The following IFIH1 variants were observed in gnomAD, a reference collection of about 807,000 sequenced individuals.
IFIH1 encodes the protein interferon-induced helicase C domain-containing protein 1.
IFIH1 carries 125 observed loss-of-function variants against 107.4 expected under a neutral mutation model. That is an observed-to-expected ratio of 1.16 (90% CI 1.01 to 1.35). IFIH1 has a LOEUF of 1.35. Ranked by LOEUF, IFIH1 falls within the 40% of genes most tolerant of loss-of-function variation. IFIH1 has a pLI of 0.00. For synonymous variants in IFIH1, 458 were observed against 413.2 expected, an observed-to-expected ratio of 1.11 and a Z score of -1.31; for missense variants, 1,333 against 1,213.7, an observed-to-expected ratio of 1.10 and a Z score of -1.46.
chr2:162,307,856 ATACTT>A (rs1441297162), intron 2 of IFIH1, among the ~76,000 whole-genome samples: 4 of 152,246 alleles, frequency 2.6e-5, no homozygotes, highest in Admixed American at 2.0e-4. Flanking sequence ...CACAATATAA[ATACTT>A]TACATACATT....
chr2:162,315,222 G>A (rs1046994456), intron 1 of IFIH1, among the ~76,000 whole-genome samples: 5 of 152,060 alleles, frequency 3.3e-5, no homozygotes, highest in South Asian at 2.1e-4. Flanking sequence ...ATTCTCTAAC[G>A]CCTGGCAACA....
Position 162,314,416 on chromosome 2 carries a change from T to TTTCTTTCTTTCTTTCTTTCC in IFIH1, c.453+3438_453+3439insGGAAAGAAAGAAAGAAAGAA, listed in dbSNP as rs71009355. 3.9e-5 allele frequency among the ~76,000 whole-genome samples: 2 copies of TTTCTTTCTTTCTTTCTTTCC among 51,444 alleles called. 1 individual carries two copies. The highest frequency in any genetic ancestry group is 1.6e-3 in the East Asian group (2 of 1,266). The allele number at this position is 51,444 out of a possible 152,430, so 33.7% of individuals were successfully genotyped here. A position where few individuals can be genotyped will look rare whatever the true frequency, so the allele number is the denominator to read the frequency against. On this transcript the variant is annotated intron_variant, in intron 1 of 15. Transcript: ENST00000649979. ...CCTCCCTCCTTTCTTTCTTTCTTTCTTTTCTTTCTTTCTTTCTTTCTTTCT... is the reference window on the plus strand; with the variant it reads ...CCTCCCTCCTTTCTTTCTTTCTTTCTTTCTTTCTTTCTTTCTTTCCTTTCTTTCTTTCTTTCTTTCTTTCT...
intron 13 of IFIH1, 33 bp from the exon 14 acceptor site, chr2:162,268,310 G>T (rs1490785384): frequency 6.9e-7 from 1 of 1,452,526 alleles, no homozygotes; most frequent in South Asian, 1.3e-5. Flanking sequence ...AGTGGTTTCA[G>T]GTTTGTTTTC....
Position 162,281,173 on chromosome 2 carries a change from G to A in IFIH1, c.1524+155C>T, listed in dbSNP as rs13431841. Among the ~76,000 whole-genome samples, 18,965 of 151,896 alleles carry A rather than the reference G, an allele frequency of 0.12. 2,715 individuals are homozygous for A. The highest frequency in any genetic ancestry group is 0.32 in the African/African-American group (13,212 of 41,414). Reference sequence around the variant, plus strand: ...ATTTATTAAGGCATATTAGTATTCTGTAGAAGACTGAGTATATTTATTGTA... The same window carrying A: ...ATTTATTAAGGCATATTAGTATTCTATAGAAGACTGAGTATATTTATTGTA... On this transcript the variant is annotated intron_variant, in intron 7 of 15. Coordinates refer to ENST00000649979, the MANE Select transcript of IFIH1 (RefSeq NM_022168.4).
chr2:162,269,849 T>C (rs1005923311), intron 13 of IFIH1, among the ~76,000 whole-genome samples: 2 of 152,202 alleles, frequency 1.3e-5, no homozygotes, highest in African/African-American at 2.4e-5. Context: ...GGAGGCTATA[T>C]AATAGATTAA....
intron 3 of IFIH1, among the ~76,000 whole-genome samples, chr2:162,299,095 T>C (rs970131506): frequency 6.6e-6 from 1 of 152,242 alleles, no homozygotes; most frequent in Non-Finnish European, 1.5e-5. Context: ...GTATCATCTA[T>C]GCCCTTTAGC....
rs1683433246 is a variant in IFIH1, at chr2:162,314,368, T to TCCCTCCCTCCCTCCCTCCC, written c.454-3436_454-3435insGGGAGGGAGGGAGGGAGGG. Among the ~76,000 whole-genome samples, 5 of 88,606 alleles carry TCCCTCCCTCCCTCCCTCCC rather than the reference T, an allele frequency of 5.6e-5. 1 individual carries two copies. Among genetic ancestry groups the TCCCTCCCTCCCTCCCTCCC allele is most frequent in the African/African-American group, 2.3e-4 (5 of 21,632 alleles). 58.1% of individuals were successfully genotyped at this position (88,606 alleles called of 152,430 possible). On this transcript the variant is annotated intron_variant, in intron 1 of 15. Coordinates refer to ENST00000649979, the MANE Select transcript of IFIH1 (RefSeq NM_022168.4). ...TTTCCTTCCTTCCTTTCTTCCTTCCTTCCCTCCCTCCCTCCCTCCCTCCCT... is the reference window on the plus strand; with the variant it reads ...TTTCCTTCCTTCCTTTCTTCCTTCCTCCCTCCCTCCCTCCCTCCCTCCCTCCCTCCCTCCCTCCCTCCCT...
At chr2:162,314,307 T>C (rs953664739) in intron 1 of IFIH1, among the ~76,000 whole-genome samples, 3 of 152,020 alleles carry the variant, frequency 2.0e-5, no homozygotes, top group African/African-American at 7.3e-5. Context: ...AACTCTAGTA[T>C]TTAGAATAGT....
intron 11 of IFIH1, among the ~76,000 whole-genome samples, chr2:162,274,963 T>G (rs981226150): frequency 4.6e-5 from 7 of 152,228 alleles, no homozygotes; most frequent in Non-Finnish European, 1.0e-4. Context: ...GAAAGGCCTC[T>G]CTTGAGTCTT....
intron 2 of IFIH1, among the ~76,000 whole-genome samples, chr2:162,307,943 G>T (rs1683316712): frequency 6.6e-6 from 1 of 152,116 alleles, no homozygotes; most frequent in Admixed American, 6.5e-5. Flanking sequence ...GAGGTGATAA[G>T]TAATATTATT....
chr2:162,267,523 C>A lies in IFIH1; in HGVS notation c.2854G>T (p.Ala952Ser). The change falls in exon 15 of 16, where the codon GCC becomes TCC. Residue 952 changes from alanine to serine, a missense_variant. By Grantham distance (99) the Ala-to-Ser change is moderately conservative (BLOSUM62 1). Transcript: ENST00000649979. ...ATTTCACCATTTATTTGATAGTCGG[C>A]ACACTTCTTTTGCAGTGCTTTGTTT... is the stretch of plus-strand genomic sequence containing the variant. ...RENKALQKKC[A>S]DYQINGEIIC... The A allele has an allele frequency of 6.2e-7, 1 of 1,613,924 alleles. No individual in the cohort carries two copies.
At chr2:162,282,179 C>A (rs1202931840) in intron 6 of IFIH1, among the ~76,000 whole-genome samples, 187 bp downstream of exon 6, 1 of 151,844 alleles carries the variant, frequency 6.6e-6, no homozygotes, top group Non-Finnish European at 1.5e-5. Context: ...TATTCTTATG[C>A]AGAATAAAGT....
chr2:162,281,583 A>T (rs779072901), intron 6 of IFIH1, 38 bp from the exon 7 acceptor site: 1 of 1,420,208 alleles, frequency 7.0e-7, no homozygotes, highest in African/African-American at 1.4e-5. Flanking sequence ...TCTCCATATC[A>T]GCACACTACA....
At chr2:162,268,935 T>C (rs1381228129) in intron 13 of IFIH1, among the ~76,000 whole-genome samples, 3 of 152,040 alleles carry the variant, frequency 2.0e-5, no homozygotes, top group Non-Finnish European at 4.4e-5. Context: ...TAAACTTCCT[T>C]CCACATGGAA....
intron 3 of IFIH1, among the ~76,000 whole-genome samples, chr2:162,299,708 C>A (rs1403944418): frequency 6.6e-6 from 1 of 152,056 alleles, no homozygotes; most frequent in Non-Finnish European, 1.5e-5. Context: ...TATAATTATC[C>A]AAATGATAAA....
intron 3 of IFIH1, among the ~76,000 whole-genome samples, chr2:162,298,242 A>G (rs1683129471): frequency 6.6e-6 from 1 of 152,238 alleles, no homozygotes; most frequent in Non-Finnish European, 1.5e-5. Flanking sequence ...ACCAGGTAGT[A>G]CCTCTTCTAT....
chr2:162,292,530 T>A (rs773311885), intron 4 of IFIH1, among the ~76,000 whole-genome samples: 27 of 151,844 alleles, frequency 1.8e-4, no homozygotes, highest in Non-Finnish European at 3.7e-4. Context: ...TTAGGATTGA[T>A]GACAATCTTT....
intron 2 of IFIH1, among the ~76,000 whole-genome samples, chr2:162,308,690 T>C (rs1002632966): frequency 3.9e-5 from 6 of 152,198 alleles, no homozygotes; most frequent in Non-Finnish European, 7.3e-5. Context: ...GCTCATTTAA[T>C]CTTAACTATC....
Position 162,273,696 on chromosome 2 carries a change from A to G in IFIH1, c.2454+99T>C, listed in dbSNP as rs1691090204. On this transcript the variant is annotated intron_variant, in intron 12 of 15. Transcript: ENST00000649979. ...ACAGGAAAAAGGCTTTGTTTTAAAA[A>G]CTAAAAAGATGTTTTTGCTGTTTAA... 4 of 930,106 alleles carry G rather than the reference A, an allele frequency of 4.3e-6. No homozygotes were observed. In the South Asian group the frequency reaches 6.2e-5, roughly 14 times the overall value. 57.6% of individuals were successfully genotyped at this position (930,106 alleles called of 1,614,324 possible). A position where few individuals can be genotyped will look rare whatever the true frequency, so the allele number is the denominator to read the frequency against.
Sources: allele counts gnomAD v4.1 joint callset (sites outside exome capture counted in the v4.1 genomes callset), GRCh38; gene constraint gnomAD v4.1.1; transcripts MANE v1.5; gene names NCBI Gene and HGNC (gene_info 2026-07-23, HGNC 2026-07-21).